The following EIF4A2 variants were observed in gnomAD, a reference collection of about 807,000 sequenced individuals.
EIF4A2 encodes eukaryotic initiation factor 4A-II.
Under a neutral mutation model 50.6 loss-of-function variants are expected in EIF4A2, and 9 were observed. The observed-to-expected ratio is 0.18, with a 90% CI of 0.11 to 0.31. The LOEUF (loss-of-function observed/expected upper bound fraction) is 0.31, where lower values mean the gene tolerates loss of function less well. Among genes scored for constraint, EIF4A2 ranks in the 10% least tolerant of loss-of-function variants. EIF4A2 has a pLI of 1.00. For missense variants in EIF4A2, 182 were observed against 501.8 expected, an observed-to-expected ratio of 0.36 and a Z score of 6.09; for synonymous variants, 215 against 164.4, an observed-to-expected ratio of 1.31 and a Z score of -2.35.
At chr3:186,787,347 TC>T in intron 8 of EIF4A2, 83 bp downstream of exon 8, 1 of 1,611,458 alleles carries the variant, frequency 6.2e-7, no homozygotes, top group Non-Finnish European at 8.5e-7. Context: ...GTGTTGTCGT[TC>T]CCCCTGCTTA....
chr3:186,785,402 A>AT, intron 4 of EIF4A2: 1 of 421,108 alleles, frequency 2.4e-6, no homozygotes, highest in South Asian at 3.2e-5. Flanking sequence ...ACATGTTACC[A>AT]TTTGACTGTC....
In EIF4A2 at chr3:186,786,652, GTC is replaced by G. The variant is rs1721727621; in HGVS notation, c.771+9_771+10del. The G allele has an allele frequency of 3.1e-6, 5 of 1,613,638 alleles. No individual in the cohort carries two copies. The highest frequency in any genetic ancestry group is 2.2e-5 in the East Asian group (1 of 44,812). ...TATTAATGTTGAGAGAGAGGTAACT[GTC>G]TGATTGTTAGACATTATTTTACCTT... On this transcript the variant is annotated splice_region_variant and intron_variant, in intron 7 of 10. Transcript: ENST00000323963.
In EIF4A2 at chr3:186,789,332, A is replaced by G; in HGVS notation, c.*63A>G. 1.3e-6 allele frequency: 2 copies of G among 1,535,496 alleles called. No homozygotes were observed. The highest frequency in any genetic ancestry group is 2.8e-5 in the African/African-American group (2 of 72,268). On this transcript the variant is annotated 3_prime_UTR_variant, in exon 11 of 11. Transcript: ENST00000323963. ...TGCTGAATAGGCGATCACAACGTGC[A>G]TTGTGCTTCTTTCTTTGGGAATATT...
At position 186,785,653 on chromosome 3, in the gene EIF4A2, T is replaced by C. The variant is rs552414414; in HGVS notation, c.349-230T>C. On this transcript the variant is annotated intron_variant, in intron 4 of 10. Transcript: ENST00000323963. ...TAGGAAACGTTATTCTTGGATTGTC[T>C]AGCTGATGCGTGGAGCAGCAGCATC... The C allele has an allele frequency of 9.9e-6, 5 of 503,578 alleles. No individual in the cohort carries two copies. The Admixed American group carries it at 1.3e-4, about 13-fold the overall frequency. 31.2% of individuals were successfully genotyped at this position (503,578 alleles called of 1,614,324 possible).
intron 3 of EIF4A2, 102 bp downstream of exon 3, chr3:186,784,798 G>A: frequency 6.2e-7 from 1 of 1,601,968 alleles, no homozygotes; most frequent in Non-Finnish European, 8.5e-7. Context: ...ATTCCTTAAA[G>A]TGAAATGATG....
Position 186,789,279 on chromosome 3 carries a change from T to A in EIF4A2, c.*10T>A. The stretch of plus-strand genomic sequence containing the variant: ...GGCTGACCTTATTTAATTCCTGGGA[T>A]GAGAGTTTTGGATGCAGTGCTCGCT... On this transcript the variant is annotated 3_prime_UTR_variant, in exon 11 of 11. Coordinates refer to ENST00000323963, the MANE Select transcript of EIF4A2 (RefSeq NM_001967.4). 1 of 1,602,078 alleles carries A rather than the reference T, an allele frequency of 6.2e-7. No individual in the cohort carries two copies. The highest frequency in any genetic ancestry group is 8.5e-7 in the Non-Finnish European group (1 of 1,174,416).
At chr3:186,788,060 T>A in intron 10 of EIF4A2, 178 bp downstream of exon 10, 1 of 774,398 alleles carries the variant, frequency 1.3e-6, no homozygotes, top group Non-Finnish European at 2.0e-6. Context: ...GGAAAACTTG[T>A]AAACATTGCC....
At chr3:186,787,416 G>T in intron 8 of EIF4A2, 79 bp from the exon 9 acceptor site, 1 of 1,606,938 alleles carries the variant, frequency 6.2e-7, no homozygotes, top group Non-Finnish European at 8.5e-7. Flanking sequence ...AGCCAGGGAC[G>T]CTTGGTCTCA....
intron 10 of EIF4A2, chr3:186,788,126 G>C: frequency 1.5e-6 from 1 of 658,702 alleles, no homozygotes; most frequent in South Asian, 2.0e-5. Context: ...TTATGCTTGA[G>C]CTTTTAGTGA....
At chr3:186,788,704 T>G in intron 10 of EIF4A2, 1 of 232,034 alleles carries the variant, frequency 4.3e-6, no homozygotes, top group Non-Finnish European at 8.7e-6. Context: ...ATAGTTAACC[T>G]TTGCAGCATT....
In EIF4A2 at chr3:186,786,069, G is replaced by T. The variant is rs1325049614; in HGVS notation, c.517+18G>T. ...ATACCTTTGTAAGTATTGTCTTTAA[G>T]AGAGTATTTTTTTTAAAACTGTTAA... On this transcript the variant is annotated intron_variant, in intron 5 of 10. Coordinates refer to ENST00000323963, the MANE Select transcript of EIF4A2 (RefSeq NM_001967.4). 1 of 1,600,454 alleles carries T rather than the reference G, an allele frequency of 6.2e-7. No individual in the cohort carries two copies. Among genetic ancestry groups the T allele is most frequent in the Non-Finnish European group, 8.6e-7 (1 of 1,168,746 alleles).
chr3:186,785,548 G>A lies in EIF4A2; in HGVS notation c.349-335G>A, dbSNP rs185382942. The A allele has an allele frequency of 1.6e-3, 502 of 312,094 alleles. 3 individuals carry two copies. The highest frequency in any genetic ancestry group is 2.7e-3 in the Non-Finnish European group (446 of 166,994). The allele number at this position is 312,094 out of a possible 1,614,324, so 19.3% of individuals were successfully genotyped here. A position where few individuals can be genotyped will look rare whatever the true frequency, so the allele number is the denominator to read the frequency against. On this transcript the variant is annotated intron_variant, in intron 4 of 10. Coordinates refer to ENST00000323963, the MANE Select transcript of EIF4A2 (RefSeq NM_001967.4). ...TATATAAGGCACAATACCCTCTGGG[G>A]GAAAAAAATCATTTGCCCTAGCTGT...
intron 10 of EIF4A2, chr3:186,788,505 A>AT: frequency 9.1e-7 from 1 of 1,094,656 alleles, no homozygotes; most frequent in Non-Finnish European, 1.2e-6. Context: ...TAGTATTTCT[A>AT]TTAGGGAACC....
chr3:186,785,163 T>G, intron 4 of EIF4A2, 62 bp downstream of exon 4: 1 of 1,594,374 alleles, frequency 6.3e-7, no homozygotes, highest in Non-Finnish European at 8.5e-7. Flanking sequence ...GTTTCACAAC[T>G]GTGAAGAATT....
intron 6 of EIF4A2, 91 bp downstream of exon 6, chr3:186,786,364 G>A (rs1175290290): frequency 4.6e-6 from 7 of 1,512,130 alleles, no homozygotes; most frequent in African/African-American, 1.4e-5. Context: ...TTTTGTTGTC[G>A]TTCCCCCTGC....
At chr3:186,788,960 AAGATTTTTTTCTCT>A (rs1274222351) in intron 10 of EIF4A2, 151 bp from the exon 11 acceptor site, 1 of 985,708 alleles carries the variant, frequency 1.0e-6, no homozygotes, top group Non-Finnish European at 1.4e-6. Context: ...ACTGCAAAGG[AAGATTTTTTTCTCT>A]AGATATGCAT....
Position 186,789,782 on chromosome 3 carries a change from C to CT in EIF4A2, c.*514dup. The CT allele has an allele frequency of 1.8e-6, 1 of 567,538 alleles. No individual in the cohort carries two copies. The highest frequency in any genetic ancestry group is 3.1e-6 in the Non-Finnish European group (1 of 321,454). 35.2% of individuals were successfully genotyped at this position (567,538 alleles called of 1,614,324 possible). On this transcript the variant is annotated 3_prime_UTR_variant, in exon 11 of 11. Transcript: ENST00000323963. Reference sequence around the variant, plus strand: ...ATTAGTGCTAAGTGTGAACTGGACCCTGTTGCTAAGCCCCAGCAAGCAATC... The same window carrying CT: ...ATTAGTGCTAAGTGTGAACTGGACCCTTGTTGCTAAGCCCCAGCAAGCAATC...
rs1315387214 is a variant in EIF4A2, at chr3:186,786,068, A to T, written c.517+17A>T. On this transcript the variant is annotated intron_variant, in intron 5 of 10. Transcript: ENST00000323963. ...GATACCTTTGTAAGTATTGTCTTTA[A>T]GAGAGTATTTTTTTTAAAACTGTTA... 1 of 1,600,604 alleles carries T rather than the reference A, an allele frequency of 6.2e-7. No individual in the cohort carries two copies. The highest frequency in any genetic ancestry group is 8.6e-7 in the Non-Finnish European group (1 of 1,168,828).
chr3:186,787,042 G>T, intron 7 of EIF4A2, 85 bp from the exon 8 acceptor site: 2 of 1,533,162 alleles, frequency 1.3e-6, no homozygotes, highest in Non-Finnish European at 1.8e-6. Context: ...ACAGGCATTA[G>T]CACTGTGGCT....
Sources: gnomAD v4.1 joint callset for allele counts on GRCh38, gnomAD v4.1.1 for gene constraint, MANE v1.5 for transcripts, NCBI Gene and HGNC (gene_info 2026-07-23, HGNC 2026-07-21) for gene names.